Variants in MAST2 observed in about 807,000 individuals in gnomAD.
The protein encoded by MAST2 is microtubule associated serine/threonine kinase 2, also known as microtubule-associated serine/threonine-protein kinase 2.
MAST2 carries 70 observed loss-of-function variants against 147.4 expected under a neutral mutation model. The ratio of observed to expected loss-of-function variants is 0.47; its 90% CI spans 0.39 to 0.58. The LOEUF is 0.58. Among genes scored for constraint, MAST2 ranks in the 20% least tolerant of loss-of-function variants. The pLI, the probability that MAST2 is intolerant of heterozygous loss-of-function variation, is 0.00. For missense variants in MAST2, 2,080 were observed against 2,302.3 expected, an observed-to-expected ratio of 0.90 and a Z score of 1.98; for synonymous variants, 869 against 896.8, an observed-to-expected ratio of 0.97 and a Z score of 0.55.
chr1:45,881,896 G>T (rs1646859610), intron 3 of MAST2, among the ~76,000 whole-genome samples: 1 of 151,592 alleles, frequency 6.6e-6, no homozygotes, highest in African/African-American at 2.4e-5. Flanking sequence ...TAAGAGACAG[G>T]CTGGGCATGG....
chr1:45,945,242 A>C (rs1050589766), intron 4 of MAST2, among the ~76,000 whole-genome samples: 1 of 152,244 alleles, frequency 6.6e-6, no homozygotes, highest in Non-Finnish European at 1.5e-5. Context: ...TCAAGTCTAT[A>C]GTGGACTGAG....
chr1:45,805,380 C>G (rs12411269), intron 1 of MAST2, among the ~76,000 whole-genome samples: 1 of 151,920 alleles, frequency 6.6e-6, no homozygotes, highest in Non-Finnish European at 1.5e-5. Flanking sequence ...CTTTTCCCCC[C>G]TTTTGTTCTT....
Position 45,959,413 on chromosome 1 carries a change from G to T in MAST2, c.528G>T (p.Leu176Phe). The change falls in exon 5 of 29, where the codon TTG becomes TTT. Residue 176 changes from leucine (L) to phenylalanine (F), a missense_variant. Coordinates refer to ENST00000361297, the MANE Select transcript of MAST2 (RefSeq NM_015112.3). ...SFCRTSNRKS[L>F]IVTSSTSPTL... is the part of the protein sequence containing the mutation. ...GTCGGACAAGTAACCGCAAGAGCTTGATTGTGACCTCTAGCACATCACCTA... is the reference window on the plus strand; with the variant it reads ...GTCGGACAAGTAACCGCAAGAGCTTTATTGTGACCTCTAGCACATCACCTA... 1 of 1,613,806 alleles carries T rather than the reference G, an allele frequency of 6.2e-7. No individual in the cohort carries two copies. The highest frequency in any genetic ancestry group is 8.5e-7 in the Non-Finnish European group (1 of 1,179,814).
At chr1:45,987,780 T>TTTTTTTTTTTTTTTTTTTTTTG (rs1644702651) in intron 5 of MAST2, among the ~76,000 whole-genome samples, 1 of 136,258 alleles carries the variant, frequency 7.3e-6, no homozygotes, top group Middle Eastern at 3.4e-3. Context: ...TTTTTTGATT[T>TTTTTTTTTTTTTTTTTTTTTTG]TTTTTTTTTT....
At chr1:45,903,450 A>T (rs1650147655) in intron 4 of MAST2, among the ~76,000 whole-genome samples, 1 of 152,164 alleles carries the variant, frequency 6.6e-6, no homozygotes, top group African/African-American at 2.4e-5. Flanking sequence ...TTAGCAGTCT[A>T]AACACTGCTT....
At chr1:45,843,951 C>T (rs1031609130) in intron 3 of MAST2, among the ~76,000 whole-genome samples, 3 of 152,126 alleles carry the variant, frequency 2.0e-5, no homozygotes, top group Non-Finnish European at 2.9e-5. Flanking sequence ...TGAACAAATT[C>T]GGAGCTGAAT....
chr1:45,917,571 G>C (rs1381571753), intron 4 of MAST2: 7 of 1,351,404 alleles, frequency 5.2e-6, no homozygotes, highest in Middle Eastern at 2.3e-4. Flanking sequence ...CTTGACAATT[G>C]CTTCTGGCCA....
At position 45,882,296 on chromosome 1, in the gene MAST2, A is replaced by ACATTTAG. The variant is rs1290011874; in HGVS notation, c.469-67_469-61dup. ...AAGATAATGCTGTGAATTTCCTAGG[A>ACATTTAG]CATTTAGGTAGACCAACAGGACTCA... On this transcript the variant is annotated intron_variant, in intron 3 of 28. Coordinates refer to ENST00000361297, the MANE Select transcript of MAST2 (RefSeq NM_015112.3). 2.5e-5 allele frequency: 24 copies of ACATTTAG among 974,458 alleles called. 1 individual carries two copies. The Middle Eastern group carries it at 1.1e-3, about 43-fold the overall frequency. The allele number at this position is 974,458 out of a possible 1,614,324, so 60.4% of individuals were successfully genotyped here. A position where few individuals can be genotyped will look rare whatever the true frequency, so the allele number is the denominator to read the frequency against.
intron 3 of MAST2, among the ~76,000 whole-genome samples, chr1:45,880,377 A>C (rs1204345359): frequency 6.6e-6 from 1 of 152,202 alleles, no homozygotes; most frequent in Non-Finnish European, 1.5e-5. Flanking sequence ...TAATGAGAAT[A>C]ATATTTGCTT....
intron 3 of MAST2, among the ~76,000 whole-genome samples, chr1:45,846,618 A>G: frequency 6.6e-6 from 1 of 152,016 alleles, no homozygotes. Context: ...TCAGAAGTTC[A>G]AGACCAGCCT....
intron 1 of MAST2, among the ~76,000 whole-genome samples, chr1:45,812,739 A>G (rs1479428571): frequency 6.6e-6 from 1 of 152,218 alleles, no homozygotes; most frequent in South Asian, 2.1e-4. Flanking sequence ...TCCTATTTTT[A>G]ATAGTCCGTG....
intron 16 of MAST2, 139 bp from the exon 17 acceptor site, chr1:46,027,592 T>TC (rs1646466969): frequency 2.4e-6 from 2 of 842,398 alleles, no homozygotes; most frequent in South Asian, 1.8e-5. Context: ...CACCTGCCTG[T>TC]CCCCCCAGCT....
chr1:45,900,195 A>AAAAAAAAAAATATT (rs1553226994), intron 4 of MAST2, among the ~76,000 whole-genome samples: 2 of 93,236 alleles, frequency 2.1e-5, no homozygotes, highest in East Asian at 3.1e-4. Flanking sequence ...AAAAAAAAAA[A>AAAAAAAAAAATATT]GATTTACCCT....
intron 3 of MAST2, among the ~76,000 whole-genome samples, chr1:45,879,684 G>A: frequency 6.6e-6 from 1 of 150,998 alleles, no homozygotes; most frequent in Non-Finnish European, 1.5e-5. Flanking sequence ...AGATTATGAA[G>A]AGCTCTTATA....
At chr1:45,949,863 A>G (rs1303021023) in intron 4 of MAST2, among the ~76,000 whole-genome samples, 9 of 152,226 alleles carry the variant, frequency 5.9e-5, no homozygotes, top group Non-Finnish European at 1.0e-4. Flanking sequence ...TGTGGTACAT[A>G]TATACCATGG....
intron 3 of MAST2, among the ~76,000 whole-genome samples, chr1:45,863,768 A>G (rs990052624): frequency 6.6e-5 from 10 of 152,226 alleles, no homozygotes; most frequent in African/African-American, 2.4e-4. Flanking sequence ...TGCTTTATAC[A>G]TACCTTTATC....
chr1:46,027,284 C>G (rs897203584), intron 16 of MAST2, among the ~76,000 whole-genome samples: 1 of 152,194 alleles, frequency 6.6e-6, no homozygotes, highest in Non-Finnish European at 1.5e-5. Context: ...CTCCCAAGAC[C>G]AGCCATGGAC....
intron 1 of MAST2, among the ~76,000 whole-genome samples, chr1:45,820,723 T>G (rs952550137): frequency 3.9e-5 from 6 of 151,958 alleles, no homozygotes; most frequent in African/African-American, 1.2e-4. Context: ...TTTTTGGATC[T>G]TCATTTTTTC....
At chr1:45,860,151 A>G (rs1645926814) in intron 3 of MAST2, among the ~76,000 whole-genome samples, 1 of 151,862 alleles carries the variant, frequency 6.6e-6, no homozygotes, top group Non-Finnish European at 1.5e-5. Context: ...TGAGGCCAGG[A>G]GTTTGTGACA....
Sources: allele counts gnomAD v4.1 joint callset (sites outside exome capture counted in the v4.1 genomes callset), GRCh38; gene constraint gnomAD v4.1.1; transcripts MANE v1.5; gene names NCBI Gene and HGNC (gene_info 2026-07-23, HGNC 2026-07-21).